CNTN6: variants seen among roughly 807,000 people sequenced by gnomAD.
The protein encoded by CNTN6 is contactin 6.
A neutral mutation model predicts 122.8 loss-of-function variants in CNTN6; 137 were observed. The ratio of observed to expected loss-of-function variants is 1.12; its 90% confidence interval spans 0.97 to 1.29. The LOEUF is 1.29. Among genes scored for constraint, CNTN6 ranks in the 50% most tolerant of loss-of-function variants. The probability of loss-of-function intolerance (pLI) is 0.00; values close to 1 mark genes in which losing one functional copy is unlikely to be tolerated. For synonymous variants in CNTN6, 570 were observed against 426.0 expected (o/e 1.34, Z -4.16); for missense variants, 1,634 against 1,223.4 (o/e 1.34, Z -5.01).
At chr3:1,350,913 A>G (rs1030360052) in intron 11 of CNTN6, among the ~76,000 whole-genome samples, 24 of 152,042 alleles carry the variant, frequency 1.6e-4, no homozygotes, top group Non-Finnish European at 7.4e-5. Context: ...TTGGTGCATA[A>G]TAGAATAGTT....
chr3:1,347,440 A>G (rs1269245411), intron 11 of CNTN6, among the ~76,000 whole-genome samples: 1 of 152,158 alleles, frequency 6.6e-6, no homozygotes, highest in Non-Finnish European at 1.5e-5. Context: ...TGGCGTTATC[A>G]CTAAACTTAT....
At chr3:1,227,266 C>T (rs2094296200) in intron 3 of CNTN6, among the ~76,000 whole-genome samples, 1 of 152,056 alleles carries the variant, frequency 6.6e-6, no homozygotes, top group Non-Finnish European at 1.5e-5. Context: ...TTCTAAGTAC[C>T]ATTGAAATAT....
At chr3:1,201,748 T>C (rs930086815) in intron 2 of CNTN6, among the ~76,000 whole-genome samples, 5 of 152,324 alleles carry the variant, frequency 3.3e-5, no homozygotes, top group Admixed American at 2.6e-4. Flanking sequence ...TTTAGACTTA[T>C]CAGTCTTGTG....
intron 4 of CNTN6, among the ~76,000 whole-genome samples, chr3:1,261,040 A>G (rs928106384): frequency 2.0e-5 from 3 of 152,164 alleles, no homozygotes; most frequent in African/African-American, 7.2e-5. Flanking sequence ...TCTATGTGCG[A>G]TGGGGAAAAA....
intron 5 of CNTN6, among the ~76,000 whole-genome samples, chr3:1,295,079 C>G (rs1192044669): frequency 1.3e-5 from 2 of 151,978 alleles, no homozygotes; most frequent in Non-Finnish European, 2.9e-5. Context: ...ATAGTGAGAC[C>G]CCATCTCTTT....
intron 4 of CNTN6, among the ~76,000 whole-genome samples, chr3:1,248,060 G>C (rs1458069366): frequency 6.6e-6 from 1 of 152,092 alleles, no homozygotes; most frequent in Non-Finnish European, 1.5e-5. Context: ...CTTCTTGGTG[G>C]AAGGCTCACA....
intron 4 of CNTN6, among the ~76,000 whole-genome samples, chr3:1,231,045 C>T (rs1368862249): frequency 2.0e-5 from 3 of 152,136 alleles, no homozygotes; most frequent in African/African-American, 7.2e-5. Flanking sequence ...CAGGCTGAAA[C>T]CAGACAACAG....
intron 11 of CNTN6, among the ~76,000 whole-genome samples, chr3:1,342,683 G>A (rs1488796796): frequency 1.3e-5 from 2 of 152,068 alleles, no homozygotes; most frequent in African/African-American, 4.8e-5. Context: ...CGACAATTCT[G>A]TGAATCAGAT....
chr3:1,097,490 A>G (rs568866384), intron 1 of CNTN6, among the ~76,000 whole-genome samples: 13 of 152,344 alleles, frequency 8.5e-5, no homozygotes, highest in African/African-American at 2.9e-4. Context: ...TGATCTTACT[A>G]AAAAGCAAAT....
At chr3:1,306,463 C>G (rs1320495968) in intron 7 of CNTN6, among the ~76,000 whole-genome samples, 3 of 152,150 alleles carry the variant, frequency 2.0e-5, no homozygotes, top group African/African-American at 7.2e-5. Context: ...CTCACATAAA[C>G]AAGCGCTCAA....
chr3:1,253,517 G>A (rs75361254), intron 4 of CNTN6, among the ~76,000 whole-genome samples: 4,154 of 152,222 alleles, frequency 0.027, 199 homozygotes, highest in African/African-American at 0.092. Context: ...GCAGTCATGC[G>A]TATTGATGAC....
chr3:1,274,015 T>C (rs1691854082), intron 4 of CNTN6, among the ~76,000 whole-genome samples: 1 of 152,182 alleles, frequency 6.6e-6, no homozygotes, highest in African/African-American at 2.4e-5. Flanking sequence ...TTCTCATTAC[T>C]CCTTTTTGAC....
chr3:1,338,768 CA>C (rs1175346634), intron 11 of CNTN6, among the ~76,000 whole-genome samples: 21 of 152,152 alleles, frequency 1.4e-4, no homozygotes, highest in South Asian at 2.1e-4. Context: ...GTAATTTATA[CA>C]AATGACCTTT....
chr3:1,255,273 G>T (rs1024484959), intron 4 of CNTN6, among the ~76,000 whole-genome samples: 1 of 152,066 alleles, frequency 6.6e-6, no homozygotes, highest in Non-Finnish European at 1.5e-5. Context: ...TTGCAATAGG[G>T]TACAGGAAGG....
intron 4 of CNTN6, among the ~76,000 whole-genome samples, chr3:1,260,049 G>A (rs943410857): frequency 1.3e-5 from 2 of 152,064 alleles, no homozygotes; most frequent in Non-Finnish European, 2.9e-5. Flanking sequence ...TCTGTCTTCA[G>A]GAAGAGATAT....
intron 2 of CNTN6, among the ~76,000 whole-genome samples, chr3:1,156,836 G>A: frequency 6.6e-6 from 1 of 151,962 alleles, no homozygotes; most frequent in South Asian, 2.1e-4. Flanking sequence ...TCCTACCTCA[G>A]CCTCCTGAGT....
At chr3:1,298,843 G>A (rs1392800157) in intron 7 of CNTN6, among the ~76,000 whole-genome samples, 1 of 152,094 alleles carries the variant, frequency 6.6e-6, no homozygotes, top group Non-Finnish European at 1.5e-5. Flanking sequence ...ACTTTGAATA[G>A]TAAAAGACTT....
In CNTN6 at chr3:1,275,956, G is replaced by A. The variant is rs142794932; in HGVS notation, c.359-2457G>A. 2.0e-5 allele frequency among the ~76,000 whole-genome samples: 3 copies of A among 152,262 alleles called. No homozygotes were observed. The East Asian group carries it at 5.8e-4, about 29-fold the overall frequency. On this transcript the variant is annotated intron_variant, in intron 4 of 22. Coordinates refer to ENST00000446702, the MANE Select transcript of CNTN6 (RefSeq NM_001289080.2). The stretch of plus-strand genomic sequence containing the variant: ...TATTTGTAATATTGTCGCTTAGATA[G>A]CTCATGGATAATACAAATTTAATAG...
intron 2 of CNTN6, among the ~76,000 whole-genome samples, chr3:1,195,835 C>A (rs1332095355): frequency 6.6e-6 from 1 of 152,104 alleles, no homozygotes; most frequent in Non-Finnish European, 1.5e-5. Context: ...TTTTGGGACA[C>A]ATCACTGAAA....
Sources: allele counts gnomAD v4.1 joint callset (sites outside exome capture counted in the v4.1 genomes callset), GRCh38; gene constraint gnomAD v4.1.1; transcripts MANE v1.5; gene names NCBI Gene and HGNC (gene_info 2026-07-23, HGNC 2026-07-21).